CLEC9A: variants seen among roughly 807,000 people sequenced by gnomAD.
CLEC9A encodes C-type lectin domain containing 9A, also known as C-type lectin domain family 9 member A.
In CLEC9A, 24 loss-of-function variants were observed where a neutral mutation model predicts 30.0. The observed-to-expected ratio is 0.80, with a 90% CI of 0.58 to 1.13. CLEC9A has a LOEUF of 1.13. Ranked by LOEUF, CLEC9A falls within the 50% of genes most tolerant of loss-of-function variation. The pLI, the probability that CLEC9A is intolerant of heterozygous loss-of-function variation, is 0.00. For synonymous variants in CLEC9A, 111 were observed against 96.8 expected (o/e 1.15, Z -0.86); for missense variants, 251 against 280.9 (o/e 0.89, Z 0.76).
rs144037372 is a variant in CLEC9A at position 10,054,545 on chromosome 12, G to A, written c.172+194G>A. 5.4e-4 allele frequency among the ~76,000 whole-genome samples: 82 copies of A among 152,252 alleles called. 3 individuals are homozygous for A. The East Asian group carries it at 0.015, about 28-fold the overall frequency. On this transcript the variant is annotated intron_variant, in intron 5 of 8. Transcript: ENST00000355819. ...GATAACTTTCAATGATCTATTGCAT[G>A]TTTTTTAACTCAAATCATGTGCTAT...
intron 1 of CLEC9A, chr12:10,040,930 A>T (rs1368355079): frequency 5.6e-5 from 12 of 214,332 alleles, no homozygotes; most frequent in Admixed American, 1.1e-4. Flanking sequence ...ACTTCTGCCA[A>T]TATGTAATAA....
chr12:10,035,678 C>T (rs774741326), intron 1 of CLEC9A, among the ~76,000 whole-genome samples: 13 of 152,172 alleles, frequency 8.5e-5, no homozygotes, highest in Non-Finnish European at 1.5e-4. Context: ...GCAAGATCCA[C>T]GATCTCAGCT....
At position 10,041,570 on chromosome 12, in the gene CLEC9A, T is replaced by A; in HGVS notation, c.-213T>A. The A allele has an allele frequency of 1.9e-6, 1 of 519,842 alleles. No homozygotes were observed. Among genetic ancestry groups the A allele is most frequent in the Non-Finnish European group, 3.9e-6 (1 of 256,362 alleles). 32.2% of individuals were successfully genotyped at this position (519,842 alleles called of 1,614,324 possible). A position where few individuals can be genotyped will look rare whatever the true frequency, so the allele number is the denominator to read the frequency against. Reference sequence around the variant, plus strand: ...GACATGGAAAGAGAGTGAGCAGTACTGCACTGACATGAAGGCTACTCTCCT... The same window carrying A: ...GACATGGAAAGAGAGTGAGCAGTACAGCACTGACATGAAGGCTACTCTCCT... On this transcript the variant is annotated 5_prime_UTR_variant, in exon 2 of 9. Coordinates refer to ENST00000355819, the MANE Select transcript of CLEC9A (RefSeq NM_207345.4).
chr12:10,060,963 G>T (rs1056650986), intron 5 of CLEC9A, 164 bp from the exon 6 acceptor site: 4 of 752,810 alleles, frequency 5.3e-6, no homozygotes, highest in Admixed American at 8.2e-5. Context: ...GTCTTTTGTA[G>T]TGTTTGATTC....
At chr12:10,036,716 A>G (rs570215100) in intron 1 of CLEC9A, among the ~76,000 whole-genome samples, 21 of 152,220 alleles carry the variant, frequency 1.4e-4, no homozygotes, top group Non-Finnish European at 2.8e-4. Context: ...AGCTATACAC[A>G]TAGATAATAG....
At chr12:10,057,763 AAAGT>A (rs1391229217) in intron 5 of CLEC9A, among the ~76,000 whole-genome samples, 1 of 152,088 alleles carries the variant, frequency 6.6e-6, no homozygotes, top group African/African-American at 2.4e-5. Context: ...GGTAGTTCTC[AAAGT>A]AAGTAGACTT....
At chr12:10,055,571 CTT>C (rs1432170697) in intron 5 of CLEC9A, among the ~76,000 whole-genome samples, 4 of 151,980 alleles carry the variant, frequency 2.6e-5, no homozygotes, top group African/African-American at 4.8e-5. Context: ...GATTTTAAAA[CTT>C]AACATATAAA....
chr12:10,037,569 G>A (rs1315149024), intron 1 of CLEC9A, among the ~76,000 whole-genome samples: 7 of 152,006 alleles, frequency 4.6e-5, no homozygotes, highest in Admixed American at 2.0e-4. Flanking sequence ...ATGTAGACAC[G>A]CCAATTCACC....
intron 7 of CLEC9A, among the ~76,000 whole-genome samples, chr12:10,063,650 A>T (rs1866016435): frequency 6.6e-6 from 1 of 152,268 alleles, no homozygotes; most frequent in Non-Finnish European, 1.5e-5. Flanking sequence ...TGAAATAAAT[A>T]GGTCTTGAAA....
intron 1 of CLEC9A, among the ~76,000 whole-genome samples, chr12:10,033,303 G>T (rs950434751): frequency 1.3e-5 from 2 of 151,772 alleles, no homozygotes; most frequent in African/African-American, 4.8e-5. Context: ...ATCCTGGGAT[G>T]AACTAAATTG....
At chr12:10,039,134 C>G (rs1407503047) in intron 1 of CLEC9A, among the ~76,000 whole-genome samples, 1 of 152,202 alleles carries the variant, frequency 6.6e-6, no homozygotes, top group Admixed American at 6.5e-5. Flanking sequence ...GCCCTGCTTC[C>G]TCCTCCTGGT....
At position 10,054,366 on chromosome 12, in the gene CLEC9A, A is replaced by G. The variant is rs776891953; in HGVS notation, c.172+15A>G. ...GGGCGTCAAGTGTAAGTACTAAAAG[A>G]TATTTTCAAAATATGTATATCGTTA... is the stretch of plus-strand genomic sequence containing the variant. On this transcript the variant is annotated intron_variant, in intron 5 of 8. Coordinates refer to ENST00000355819, the MANE Select transcript of CLEC9A (RefSeq NM_207345.4). The G allele has an allele frequency of 2.0e-6, 3 of 1,537,234 alleles. No individual in the cohort carries two copies. Among genetic ancestry groups the G allele is most frequent in the South Asian group, 1.1e-5 (1 of 87,794 alleles).
At chr12:10,050,197 G>A (rs1188592467) in intron 2 of CLEC9A, among the ~76,000 whole-genome samples, 1 of 152,188 alleles carries the variant, frequency 6.6e-6, no homozygotes, top group African/African-American at 2.4e-5. Context: ...ATAGTTCATG[G>A]TGGGTCCCCC....
intron 7 of CLEC9A, among the ~76,000 whole-genome samples, chr12:10,063,424 A>C (rs1212107393): frequency 1.3e-5 from 2 of 152,218 alleles, no homozygotes; most frequent in Admixed American, 1.3e-4. Context: ...AATCGAGAAG[A>C]ATATGTTTGT....
chr12:10,032,557 A>ATT (rs897984595), intron 1 of CLEC9A, among the ~76,000 whole-genome samples: 3 of 150,988 alleles, frequency 2.0e-5, no homozygotes, highest in African/African-American at 7.3e-5. Flanking sequence ...AGCCTGGCTA[A>ATT]TTTTTTTTTA....
intron 2 of CLEC9A, among the ~76,000 whole-genome samples, chr12:10,047,897 G>A (rs1865859616): frequency 1.3e-5 from 2 of 152,198 alleles, no homozygotes; most frequent in African/African-American, 4.8e-5. Context: ...AGTGGTGGTT[G>A]CTGAAGGATG....
chr12:10,040,948 A>T (rs1441713195), intron 1 of CLEC9A: 1 of 186,004 alleles, frequency 5.4e-6, no homozygotes, highest in Admixed American at 5.9e-5. Flanking sequence ...TAAAACAATC[A>T]GAACAAAAGG....
intron 5 of CLEC9A, among the ~76,000 whole-genome samples, chr12:10,056,700 C>G (rs1865946954): frequency 6.6e-6 from 1 of 151,954 alleles, no homozygotes; most frequent in African/African-American, 2.4e-5. Flanking sequence ...TCAATGTTTA[C>G]TTTTCGGATT....
chr12:10,042,223 A>G (rs1001851872), intron 2 of CLEC9A, among the ~76,000 whole-genome samples: 11 of 152,258 alleles, frequency 7.2e-5, no homozygotes, highest in Non-Finnish European at 1.6e-4. Context: ...GTAGGGAAGT[A>G]TATAATGTTG....
Sources: allele counts gnomAD v4.1 joint callset (sites outside exome capture counted in the v4.1 genomes callset), GRCh38; gene constraint gnomAD v4.1.1; transcripts MANE v1.5; gene names NCBI Gene and HGNC (gene_info 2026-07-23, HGNC 2026-07-21).